KMT2C: variants seen among roughly 807,000 people sequenced by gnomAD.
The protein encoded by KMT2C is histone-lysine N-methyltransferase 2C.
KMT2C carries 88 observed loss-of-function variants against 507.9 expected under a neutral mutation model. That is an observed-to-expected ratio of 0.17 (90% CI 0.15 to 0.21). The LOEUF (loss-of-function observed/expected upper bound fraction) is 0.21. Ranked by LOEUF, KMT2C falls within the 10% of genes least tolerant of loss-of-function variation. The pLI, the probability that KMT2C is intolerant of heterozygous loss-of-function variation, is 1.00. For synonymous variants in KMT2C, 2,049 were observed against 2,080.8 expected (o/e 0.98, Z 0.42); for missense variants, 4,954 against 5,957.8 (o/e 0.83, Z 5.55).
intron 31 of KMT2C, among the ~76,000 whole-genome samples, chr7:152,192,349 T>C (rs986671727): frequency 6.6e-6 from 1 of 152,008 alleles, no homozygotes; most frequent in East Asian, 1.9e-4. Flanking sequence ...AAGGCCAGCC[T>C]GACCAAGATG....
chr7:152,309,474 C>T (rs2096650693), intron 6 of KMT2C, among the ~76,000 whole-genome samples: 1 of 149,424 alleles, frequency 6.7e-6, no homozygotes, highest in Admixed American at 6.7e-5. Flanking sequence ...CACATGTGCA[C>T]CAGCATGCCC....
chr7:152,222,627 C>A lies in KMT2C; in HGVS notation c.3379G>T (p.Ala1127Ser), dbSNP rs1298652424. 1 of 1,610,366 alleles carries A rather than the reference C, an allele frequency of 6.2e-7. No individual in the cohort carries two copies. Among genetic ancestry groups the A allele is most frequent in the African/African-American group, 1.3e-5 (1 of 74,832 alleles). Residue 1127 changes from alanine (A) to serine (S), a missense_variant, in exon 21 of 59, where the codon GCA becomes TCA. Physicochemically the swap from Ala to Ser is moderately conservative, Grantham distance 99. Around this residue, in one of 29 missense-constraint regions of KMT2C, gnomAD observed 52 missense variants for 162.4 expected, o/e 0.32. Coordinates refer to ENST00000262189, the MANE Select transcript of KMT2C (RefSeq NM_170606.3). ...LNTEEEVENV[A>S]DIGFDCSMCR... ...ATGCTACAATCAAAACCAATGTCTGCTACATTTTCCACTTCTTCCTCAGTA... is the reference window on the plus strand; with the variant it reads ...ATGCTACAATCAAAACCAATGTCTGATACATTTTCCACTTCTTCCTCAGTA...
intron 7 of KMT2C, among the ~76,000 whole-genome samples, chr7:152,269,005 T>G (rs184223721): frequency 6.6e-6 from 1 of 152,218 alleles, no homozygotes; most frequent in South Asian, 2.1e-4. Context: ...ATTACTGAAT[T>G]AAATAAAATT....
chr7:152,260,559 G>T (rs2095751968), intron 9 of KMT2C, among the ~76,000 whole-genome samples: 2 of 151,896 alleles, frequency 1.3e-5, no homozygotes, highest in African/African-American at 4.8e-5. Flanking sequence ...AAGAAAAAAA[G>T]GATTATGATT....
intron 6 of KMT2C, among the ~76,000 whole-genome samples, chr7:152,301,340 TA>T (rs199597537): frequency 6.8e-5 from 10 of 146,972 alleles, no homozygotes; most frequent in Admixed American, 6.8e-5. Flanking sequence ...CCATCTCTAC[TA>T]AAAAAAAAAT....
intron 1 of KMT2C, among the ~76,000 whole-genome samples, chr7:152,385,676 A>C (rs2097419978): frequency 1.3e-5 from 2 of 148,518 alleles, no homozygotes; most frequent in Admixed American, 6.7e-5. Flanking sequence ...TGAACATAGA[A>C]TATGATGATA....
At chr7:152,210,419 C>T (rs939032464) in intron 23 of KMT2C, among the ~76,000 whole-genome samples, 2 of 152,146 alleles carry the variant, frequency 1.3e-5, no homozygotes, top group African/African-American at 2.4e-5. Flanking sequence ...CATGCATGTA[C>T]CATAAAGATT....
chr7:152,388,333 T>TG (rs2097452506), intron 1 of KMT2C, among the ~76,000 whole-genome samples: 1 of 151,824 alleles, frequency 6.6e-6, no homozygotes, highest in African/African-American at 2.4e-5. Flanking sequence ...CCGAGGTGGG[T>TG]GGACCTCCTG....
At position 152,194,277 on chromosome 7, in the gene KMT2C, A is replaced by C; in HGVS notation, c.4508-16T>G. On this transcript the variant is annotated splice_polypyrimidine_tract_variant and intron_variant, in intron 29 of 58. Coordinates refer to ENST00000262189, the MANE Select transcript of KMT2C (RefSeq NM_170606.3). ...AGAATTGCTCCTAGAATAAATTAAA[A>C]AAAAAAAAGAAACATTAACAGCTAC... is the stretch of plus-strand genomic sequence containing the variant. 2 of 1,433,008 alleles carry C rather than the reference A, an allele frequency of 1.4e-6. No homozygotes were observed. The highest frequency in any genetic ancestry group is 1.9e-6 in the Non-Finnish European group (2 of 1,049,992). The allele number at this position is 1,433,008 out of a possible 1,614,324, so 88.8% of individuals were successfully genotyped here. A position where few individuals can be genotyped will look rare whatever the true frequency, so the allele number is the denominator to read the frequency against.
At chr7:152,400,760 G>T (rs937831771) in intron 1 of KMT2C, among the ~76,000 whole-genome samples, 1 of 151,982 alleles carries the variant, frequency 6.6e-6, no homozygotes, top group Non-Finnish European at 1.5e-5. Context: ...CTCAAGAAAT[G>T]ATAAAGCTCT....
At chr7:152,421,138 A>G (rs2097775076) in intron 1 of KMT2C, among the ~76,000 whole-genome samples, 1 of 152,232 alleles carries the variant, frequency 6.6e-6, no homozygotes, top group Non-Finnish European at 1.5e-5. Flanking sequence ...AGCATATGAA[A>G]AAATGCTCAA....
intron 6 of KMT2C, among the ~76,000 whole-genome samples, chr7:152,303,969 A>G (rs560786569): frequency 1.1e-3 from 168 of 152,276 alleles, no homozygotes; most frequent in Non-Finnish European, 2.1e-3. Context: ...AGCCTAGGAG[A>G]CAGAGAGAGA....
chr7:152,248,219 A>G lies in KMT2C; in HGVS notation c.2215T>C (p.Ser739Pro), dbSNP rs2129164105. ...CCCTCAATTGTAGGAGTCATTTCAG[A>G]GTCCATCAATCCAGTAGAAAGTTCA... is the stretch of plus-strand genomic sequence containing the variant. Reference protein sequence around the residue: ...NSELSTGLMDSEMTPTIEGCV... With the variant: ...NSELSTGLMDPEMTPTIEGCV... Residue 739 changes from serine to proline, a missense_variant, in exon 14 of 59, where the codon TCT becomes CCT. This residue lies in a region of KMT2C where 376 missense variants were observed against 352.4 expected (regional missense o/e 1.07). Coordinates refer to ENST00000262189, the MANE Select transcript of KMT2C (RefSeq NM_170606.3). 2 of 1,614,048 alleles carry G rather than the reference A, an allele frequency of 1.2e-6. No individual in the cohort carries two copies. The highest frequency in any genetic ancestry group is 1.7e-6 in the Non-Finnish European group (2 of 1,179,874).
chr7:152,348,599 TAAAAA>T (rs201530125), intron 2 of KMT2C, among the ~76,000 whole-genome samples: 3,529 of 48,994 alleles, frequency 0.072, 234 homozygotes, highest in African/African-American at 0.2. Context: ...AACTCTGTCT[TAAAAA>T]AAAAAAAAAA....
intron 18 of KMT2C, among the ~76,000 whole-genome samples, chr7:152,227,966 C>T (rs2094985791): frequency 6.6e-6 from 1 of 152,178 alleles, no homozygotes; most frequent in Non-Finnish European, 1.5e-5. Flanking sequence ...TAAATTAATG[C>T]TAGGACCGCA....
intron 1 of KMT2C, among the ~76,000 whole-genome samples, chr7:152,384,548 ACACCACCACCACCACCACCACCAC>A (rs71198780): frequency 8.0e-4 from 50 of 62,232 alleles, no homozygotes; most frequent in East Asian, 5.4e-3. Flanking sequence ...CATGTGCATA[ACACCACCACCACCACCACCACCAC>A]CACCACCACC....
chr7:152,205,385 T>TA (rs1216048098), intron 24 of KMT2C, among the ~76,000 whole-genome samples, 160 bp from the exon 25 acceptor site: 1 of 64,082 alleles, frequency 1.6e-5, no homozygotes, highest in Non-Finnish European at 3.2e-5. Flanking sequence ...AAATAGAAGT[T>TA]AAAAACGACC....
chr7:152,397,426 T>C (rs1285705370), intron 1 of KMT2C, among the ~76,000 whole-genome samples: 4 of 152,158 alleles, frequency 2.6e-5, no homozygotes, highest in Non-Finnish European at 5.9e-5. Flanking sequence ...CCCTGGTTTA[T>C]AACCTTCTAA....
At position 152,356,148 on chromosome 7, in the gene KMT2C, G is replaced by A. The variant is rs112561809; in HGVS notation, c.250+2439C>T. Among the ~76,000 whole-genome samples, 114 of 152,214 alleles carry A rather than the reference G, an allele frequency of 7.5e-4. 1 individual carries two copies. Among genetic ancestry groups the A allele is most frequent in the African/African-American group, 2.4e-3 (100 of 41,526 alleles). On this transcript the variant is annotated intron_variant, in intron 2 of 58. Transcript: ENST00000262189. ...ATAGATTTGATGGTAGATGAATATGGAACTTCTTTTCTAATTGTTCTCTAT... is the reference window on the plus strand; with the variant it reads ...ATAGATTTGATGGTAGATGAATATGAAACTTCTTTTCTAATTGTTCTCTAT...
Sources: gnomAD v4.1 joint callset for allele counts (sites outside exome capture counted in the v4.1 genomes callset) on GRCh38, gnomAD v4.1.1 for gene constraint, gnomAD v4.1.1 regional missense constraint, MANE v1.5 for transcripts, NCBI Gene and HGNC (gene_info 2026-07-23, HGNC 2026-07-21) for gene names.